Variants in GNA12 observed in about 807,000 individuals in gnomAD.
The protein encoded by GNA12 is G protein subunit alpha 12.
A neutral mutation model predicts 26.0 loss-of-function variants in GNA12; 9 were observed. That is an observed-to-expected ratio of 0.35 (90% CI 0.21 to 0.60). The LOEUF is 0.60. Among genes scored for constraint, GNA12 ranks in the 20% least tolerant of loss-of-function variants. The pLI is 0.78. For synonymous variants in GNA12, 264 were observed against 219.6 expected, an observed-to-expected ratio of 1.20 and a Z score of -1.79; for missense variants, 405 against 525.8, an observed-to-expected ratio of 0.77 and a Z score of 2.25.
chr7:2,740,100 T>C (rs1011547128), intron 2 of GNA12, among the ~76,000 whole-genome samples: 1 of 152,116 alleles, frequency 6.6e-6, no homozygotes, highest in Admixed American at 6.5e-5. Flanking sequence ...TGCCAACACT[T>C]GCTGTTTTCT....
intron 2 of GNA12, chr7:2,762,408 G>C: frequency 2.1e-6 from 1 of 475,326 alleles, no homozygotes; most frequent in Non-Finnish European, 3.7e-6. Flanking sequence ...GGAAACCAAA[G>C]CTTAGACGTT....
intron 2 of GNA12, among the ~76,000 whole-genome samples, chr7:2,791,668 G>A (rs1198047635): frequency 6.6e-6 from 1 of 151,884 alleles, no homozygotes. Context: ...ATGAAGCATT[G>A]CCCTAGAAAA....
Position 2,728,599 on chromosome 7 carries a change from G to A in GNA12, c.*2582C>T, listed in dbSNP as rs1189791384. The A allele has an allele frequency of 6.6e-6, 1 of 152,514 alleles. No homozygotes were observed. The highest frequency in any genetic ancestry group is 1.5e-5 in the Non-Finnish European group (1 of 68,016). The allele number at this position is 152,514 out of a possible 1,614,324, so 9.4% of individuals were successfully genotyped here. A position where few individuals can be genotyped will look rare whatever the true frequency, so the allele number is the denominator to read the frequency against. On this transcript the variant is annotated 3_prime_UTR_variant, in exon 4 of 4. Transcript: ENST00000275364. ...TTATTGTTACATTTTTGCAATAATT[G>A]AGGCACAACTACCTCCTGCTTTTCC... is the stretch of plus-strand genomic sequence containing the variant.
At chr7:2,839,349 C>T (rs186187568) in intron 1 of GNA12, among the ~76,000 whole-genome samples, 4 of 152,090 alleles carry the variant, frequency 2.6e-5, no homozygotes, top group East Asian at 3.9e-4. Flanking sequence ...TCCTCCCACC[C>T]GCCTCCCAGG....
At chr7:2,766,477 C>T (rs989939375) in intron 2 of GNA12, among the ~76,000 whole-genome samples, 1 of 151,654 alleles carries the variant, frequency 6.6e-6, no homozygotes, top group African/African-American at 2.4e-5. Flanking sequence ...CCTCCGCTTC[C>T]CAGGTTCAAG....
chr7:2,752,245 T>TA (rs888723940), intron 2 of GNA12, among the ~76,000 whole-genome samples: 49 of 151,100 alleles, frequency 3.2e-4, no homozygotes, highest in African/African-American at 1.0e-3. Context: ...GCTCAGGGCT[T>TA]AAAAAAAAAG....
At chr7:2,818,545 C>T (rs1298738300) in intron 1 of GNA12, among the ~76,000 whole-genome samples, 1 of 152,156 alleles carries the variant, frequency 6.6e-6, no homozygotes, top group Admixed American at 6.5e-5. Flanking sequence ...CACAGATTGC[C>T]TGAGGTCAGG....
At position 2,772,521 on chromosome 7, in the gene GNA12, C is replaced by G. The variant is rs149700276; in HGVS notation, c.525+22407G>C. On this transcript the variant is annotated intron_variant, in intron 2 of 3. Transcript: ENST00000275364. ...CTTGCAGTGAGCCAAGATCGCACCACTGCACTCCAGCCTGGGCAACAGAGT... is the reference window on the plus strand; with the variant it reads ...CTTGCAGTGAGCCAAGATCGCACCAGTGCACTCCAGCCTGGGCAACAGAGT... Among the ~76,000 whole-genome samples, 348 of 151,148 alleles carry G rather than the reference C, an allele frequency of 2.3e-3. 3 individuals are homozygous for G. Among genetic ancestry groups the G allele is most frequent in the African/African-American group, 8.3e-3 (340 of 41,090 alleles).
intron 2 of GNA12, among the ~76,000 whole-genome samples, chr7:2,777,490 TG>T (rs1792107238): frequency 6.6e-6 from 1 of 152,172 alleles, no homozygotes; most frequent in African/African-American, 2.4e-5. Flanking sequence ...TAATTCCCAG[TG>T]GGATGGTATC....
intron 3 of GNA12, among the ~76,000 whole-genome samples, chr7:2,732,965 T>C (rs576340764): frequency 6.6e-6 from 1 of 152,190 alleles, no homozygotes; most frequent in Non-Finnish European, 1.5e-5. Context: ...ACTGACTAGG[T>C]TGACATTACG....
At chr7:2,742,361 G>A (rs1467209838) in intron 2 of GNA12, among the ~76,000 whole-genome samples, 1 of 152,088 alleles carries the variant, frequency 6.6e-6, no homozygotes, top group Non-Finnish European at 1.5e-5. Context: ...ACGGCCCTTG[G>A]GGTTTTTGCG....
chr7:2,762,896 G>A, intron 2 of GNA12: 1 of 1,425,452 alleles, frequency 7.0e-7, no homozygotes, highest in Non-Finnish European at 9.2e-7. Context: ...CATTGGTGCT[G>A]CGGCGGGGAG....
At chr7:2,800,394 G>C (rs1034536558) in intron 1 of GNA12, among the ~76,000 whole-genome samples, 3 of 152,258 alleles carry the variant, frequency 2.0e-5, no homozygotes, top group South Asian at 2.1e-4. Flanking sequence ...CTGGACTGTG[G>C]TGGTGGTTAC....
rs1789751014 is a variant in GNA12, at chr7:2,729,034, T to C, written c.*2147A>G. On this transcript the variant is annotated 3_prime_UTR_variant, in exon 4 of 4. Coordinates refer to ENST00000275364, the MANE Select transcript of GNA12 (RefSeq NM_007353.3). ...AAAGTGACGAGTAAATATGTCAGAC[T>C]GTTTAAAGGAAAACAAGCACTCATT... is the stretch of plus-strand genomic sequence containing the variant. The C allele has an allele frequency of 6.6e-6, 1 of 152,424 alleles. No homozygotes were observed. Among genetic ancestry groups the C allele is most frequent in the Non-Finnish European group, 1.5e-5 (1 of 68,040 alleles). The allele number at this position is 152,424 out of a possible 1,614,324, so 9.4% of individuals were successfully genotyped here.
chr7:2,729,999 C>G lies in GNA12; in HGVS notation c.*1182G>C, dbSNP rs947676097. 1 of 152,316 alleles carries G rather than the reference C, an allele frequency of 6.6e-6. No homozygotes were observed. Among genetic ancestry groups the G allele is most frequent in the Non-Finnish European group, 1.5e-5 (1 of 68,070 alleles). The allele number at this position is 152,316 out of a possible 1,614,324, so 9.4% of individuals were successfully genotyped here. ...TCTTCTGCAAGCACAGTCATAGAAGCGAGGGGCCTCGATGAGAATCAGACT... is the reference window on the plus strand; with the variant it reads ...TCTTCTGCAAGCACAGTCATAGAAGGGAGGGGCCTCGATGAGAATCAGACT... On this transcript the variant is annotated 3_prime_UTR_variant, in exon 4 of 4. Transcript: ENST00000275364.
chr7:2,794,777 C>A, intron 2 of GNA12, 151 bp downstream of exon 2: 1 of 637,618 alleles, frequency 1.6e-6, no homozygotes, highest in Non-Finnish European at 2.8e-6. Flanking sequence ...TGCCTCCATC[C>A]CGTGTTTTGG....
chr7:2,760,322 G>A (rs1208315337), intron 2 of GNA12: 1 of 152,452 alleles, frequency 6.6e-6, no homozygotes, highest in South Asian at 2.1e-4. Flanking sequence ...GCACAGGCTC[G>A]ACTCAATAGA....
Position 2,785,741 on chromosome 7 carries a change from T to TA in GNA12, c.525+9186dup, listed in dbSNP as rs1792342742. ...AGATAAACAAGCTGTGGTACCTCCA[T>TA]ACTAGGGAATACTACTCAGAAATAA... On this transcript the variant is annotated intron_variant, in intron 2 of 3. Transcript: ENST00000275364. Among the ~76,000 whole-genome samples the TA allele has an allele frequency of 2.6e-5, 4 of 152,258 alleles. No homozygotes were observed. The South Asian group carries it at 8.3e-4, about 32-fold the overall frequency.
At chr7:2,734,090 G>A (rs1790037490) in intron 2 of GNA12, among the ~76,000 whole-genome samples, 1 of 152,200 alleles carries the variant, frequency 6.6e-6, no homozygotes. Flanking sequence ...TGGAATGATG[G>A]CCAGTCTTCT....
Sources: gnomAD v4.1 joint callset for allele counts (sites outside exome capture counted in the v4.1 genomes callset) on GRCh38, gnomAD v4.1.1 for gene constraint, MANE v1.5 for transcripts, NCBI Gene and HGNC (gene_info 2026-07-23, HGNC 2026-07-21) for gene names.